TAF1: variants seen among roughly 807,000 people sequenced by gnomAD.
The protein encoded by TAF1 is TATA-box binding protein associated factor 1.
A neutral mutation model predicts 138.5 loss-of-function variants in TAF1; 2 were observed. The ratio of observed to expected loss-of-function variants is 0.01; its 90% CI spans 0.01 to 0.05. The LOEUF is 0.05. Ranked by LOEUF, TAF1 falls within the 10% of genes least tolerant of loss-of-function variation. The probability of loss-of-function intolerance (pLI) is 1.00; values close to 1 mark genes in which losing one functional copy is unlikely to be tolerated. For synonymous variants in TAF1, 437 were observed against 503.2 expected (o/e 0.87, Z 1.76); for missense variants, 709 against 1,478.0 (o/e 0.48, Z 8.53).
At chrX:71,454,573 A>G (rs2038197027) in intron 33 of TAF1, among the ~76,000 whole-genome samples, 168 bp from the exon 34 acceptor site, 1 of 110,413 alleles carries the variant, frequency 9.1e-6, no homozygotes, top group Admixed American at 9.6e-5. Flanking sequence ...CTACCCCCCA[A>G]CTCCGCATCC....
chrX:71,386,018 G>A (rs985567396), intron 14 of TAF1, among the ~76,000 whole-genome samples: 2 of 110,599 alleles, frequency 1.8e-5, no homozygotes, highest in African/African-American at 3.3e-5. Context: ...AAAATTAGCC[G>A]GGCATGGTGG....
At chrX:71,424,499 G>A (rs1214488932) in intron 32 of TAF1, among the ~76,000 whole-genome samples, 5 of 98,930 alleles carry the variant, frequency 5.1e-5, no homozygotes, top group African/African-American at 1.9e-4. Flanking sequence ...CTCCCACCTC[G>A]GCTTCCCAAA....
intron 28 of TAF1, among the ~76,000 whole-genome samples, chrX:71,408,409 T>C (rs975170155): frequency 6.3e-5 from 7 of 110,798 alleles, no homozygotes; most frequent in Non-Finnish European, 5.7e-5. Context: ...CCTCCGCCTC[T>C]CGGTTCAAGC....
At chrX:71,381,296 C>T (rs1003524577) in intron 8 of TAF1, among the ~76,000 whole-genome samples, 2 of 112,161 alleles carry the variant, frequency 1.8e-5, no homozygotes, top group African/African-American at 6.5e-5. Context: ...CAGAATTTCA[C>T]TCTTGTTGCC....
At chrX:71,508,561 C>T (rs931780209) in intron 13 of TAF1, among the ~76,000 whole-genome samples, 1 of 96,149 alleles carries the variant, frequency 1.0e-5, no homozygotes, top group South Asian at 5.4e-4. Flanking sequence ...GCCATGATCA[C>T]ACCGCTGCAC....
intron 1 of TAF1, 112 bp from the exon 2 acceptor site, chrX:71,367,387 A>G (rs1484694244): frequency 2.4e-5 from 22 of 911,300 alleles, no homozygotes; most frequent in Non-Finnish European, 3.3e-5. Context: ...CACACTGCAC[A>G]GTCATTTTTC....
chrX:71,398,383 T>C (rs2034975387), intron 23 of TAF1, among the ~76,000 whole-genome samples, 189 bp from the exon 24 acceptor site: 1 of 110,978 alleles, frequency 9.0e-6, no homozygotes, highest in African/African-American at 3.3e-5. Flanking sequence ...TCAGGACTTA[T>C]TCTAAGAGAG....
At chrX:71,484,347 T>G (rs927009922) in intron 13 of TAF1, among the ~76,000 whole-genome samples, 1 of 110,101 alleles carries the variant, frequency 9.1e-6, no homozygotes, top group Admixed American at 9.8e-5. Flanking sequence ...TTTTTTTTTT[T>G]TTTGAGACGG....
chrX:71,456,707 C>CTTTT (rs2038318054), intron 34 of TAF1, among the ~76,000 whole-genome samples: 12 of 53,686 alleles, frequency 2.2e-4, no homozygotes, highest in African/African-American at 3.2e-4. Flanking sequence ...CCGAGTTTTG[C>CTTTT]TCTTGTCACC....
chrX:71,452,678 C>T (rs2038069759), intron 32 of TAF1, among the ~76,000 whole-genome samples: 1 of 112,150 alleles, frequency 8.9e-6, no homozygotes, highest in Non-Finnish European at 1.9e-5. Context: ...GCAGAGGCTG[C>T]AATCTTGGCA....
At chrX:71,399,904 G>A (rs1171218702) in intron 24 of TAF1, among the ~76,000 whole-genome samples, 1 of 106,448 alleles carries the variant, frequency 9.4e-6, no homozygotes. Context: ...GCTAATTTTT[G>A]TATTTTTAGT....
In TAF1 at chrX:71,387,298, T is replaced by C; in HGVS notation, c.2264T>C (p.Leu755Pro). The part of the protein sequence containing the change: ...ENNLFRAPIY[L>P]HKMPETDFLI... ...AACCTTTTTCGTGCTCCAATTTATCTTCATAAGATGCCAGAAACTGATTTC... is the reference window on the plus strand; with the variant it reads ...AACCTTTTTCGTGCTCCAATTTATCCTCATAAGATGCCAGAAACTGATTTC... Residue 755 changes from leucine to proline, a missense_variant, in exon 15 of 38, where the codon CTT becomes CCT. Transcript: ENST00000423759. 1 of 1,212,055 alleles carries C rather than the reference T, an allele frequency of 8.3e-7. No homozygotes were observed. The highest frequency in any genetic ancestry group is 1.1e-6 in the Non-Finnish European group (1 of 895,602).
intron 13 of TAF1, among the ~76,000 whole-genome samples, chrX:71,502,137 C>T (rs989422521): frequency 5.5e-4 from 61 of 111,567 alleles, no homozygotes; most frequent in African/African-American, 2.0e-3. Flanking sequence ...AGCTTTTATC[C>T]CCTTATTTGT....
At chrX:71,471,332 A>T (rs187162643) in intron 13 of TAF1, among the ~76,000 whole-genome samples, 9,198 of 98,866 alleles carry the variant, frequency 0.093, 681 homozygotes, top group Admixed American at 0.32. Flanking sequence ...AAAAAAAAAA[A>T]ATATATATAT....
intron 13 of TAF1, among the ~76,000 whole-genome samples, chrX:71,483,772 CTCTCTCTCTATA>C (rs2039118896): frequency 5.3e-5 from 4 of 75,185 alleles, no homozygotes; most frequent in African/African-American, 1.7e-4. Flanking sequence ...CTCTCTCTCT[CTCTCTCTCTATA>C]TATATATATA....
At chrX:71,430,181 T>G (rs763511438) in intron 32 of TAF1, among the ~76,000 whole-genome samples, 4 of 110,440 alleles carry the variant, frequency 3.6e-5, no homozygotes, top group East Asian at 2.9e-4. Flanking sequence ...GAGATTGAGA[T>G]CATCCTGGCT....
chrX:71,465,499 T>TGTTTGTAC lies in TAF1; in HGVS notation c.*1454_*1461dup, dbSNP rs2038723648. 1 of 111,770 alleles carries TGTTTGTAC rather than the reference T, an allele frequency of 8.9e-6. No homozygotes were observed. Among genetic ancestry groups the TGTTTGTAC allele is most frequent in the South Asian group, 3.7e-4 (1 of 2,697 alleles). 9.2% of individuals were successfully genotyped at this position (111,770 alleles called of 1,213,427 possible). A position where few individuals can be genotyped will look rare whatever the true frequency, so the allele number is the denominator to read the frequency against. ...TGTGTTCCTAGTTTGTTTGTTTGTT[T>TGTTTGTAC]GTTTGTACCTGCCTTGTTCCAGGAA... On this transcript the variant is annotated 3_prime_UTR_variant, in exon 38 of 38. Coordinates refer to ENST00000423759, the MANE Select transcript of TAF1 (RefSeq NM_004606.5).
At chrX:71,447,180 G>T in intron 32 of TAF1, among the ~76,000 whole-genome samples, 1 of 110,107 alleles carries the variant, frequency 9.1e-6, no homozygotes, top group African/African-American at 3.3e-5. Context: ...AATTTTAATG[G>T]TTCACATTGG....
intron 13 of TAF1, among the ~76,000 whole-genome samples, chrX:71,498,974 A>G (rs1250641513): frequency 9.0e-6 from 1 of 111,437 alleles, no homozygotes; most frequent in Admixed American, 9.5e-5. Context: ...CCTGGCCCTC[A>G]ATAGTTAAAC....
Sources: gnomAD v4.1 joint callset for allele counts (sites outside exome capture counted in the v4.1 genomes callset) on GRCh38, gnomAD v4.1.1 for gene constraint, MANE v1.5 for transcripts, NCBI Gene and HGNC (gene_info 2026-07-23, HGNC 2026-07-21) for gene names.